The following SYNE1 variants were observed in gnomAD, a reference collection of about 807,000 sequenced individuals.
SYNE1 encodes spectrin repeat containing nuclear envelope protein 1, also known as nesprin-1.
SYNE1 carries 616 observed loss-of-function variants against 1,111.0 expected under a neutral mutation model. That is an observed-to-expected ratio of 0.55 (90% CI 0.52 to 0.59). The LOEUF is 0.59. Ranked by LOEUF, SYNE1 falls within the 20% of genes least tolerant of loss-of-function variation. The pLI is 0.00. For missense variants in SYNE1, 10,006 were observed against 10,417.0 expected, an observed-to-expected ratio of 0.96 and a Z score of 1.72; for synonymous variants, 3,855 against 3,825.8, an observed-to-expected ratio of 1.01 and a Z score of -0.28.
intron 115 of SYNE1, among the ~76,000 whole-genome samples, chr6:152,230,030 T>C (rs964639965): frequency 5.3e-4 from 57 of 108,520 alleles, no homozygotes; most frequent in Non-Finnish European, 1.0e-3. Flanking sequence ...AGAAATAATT[T>C]AGGCAATTTT....
At position 152,483,133 on chromosome 6, in the gene SYNE1, G is replaced by T. The variant is rs751130657; in HGVS notation, c.1302C>A (p.Val434=). 3 of 1,614,178 alleles carry T rather than the reference G, an allele frequency of 1.9e-6. No individual in the cohort carries two copies. The South Asian group carries it at 3.3e-5, about 18-fold the overall frequency. The change falls in exon 14 of 146, where the codon GTC becomes GTA. Residue 434 remains valine (V), a synonymous_variant. Coordinates refer to ENST00000367255, the MANE Select transcript of SYNE1 (RefSeq NM_182961.4). The part of the protein sequence containing the change: ...ALREEITVQQ[V]HEETANTIQR... ...GTATCGTGTTTGCTGTTTCCTCGTG[G>T]ACCTGTTGAACGGTTATTTCCTCTC...
intron 123 of SYNE1, among the ~76,000 whole-genome samples, chr6:152,213,021 A>AT (rs1173217857): frequency 2.0e-5 from 3 of 152,188 alleles, no homozygotes; most frequent in African/African-American, 7.2e-5. Context: ...TGACTTAGTT[A>AT]TACCGGTAAA....
At chr6:152,617,438 C>T (rs1229725803) in intron 3 of SYNE1, among the ~76,000 whole-genome samples, 1 of 152,186 alleles carries the variant, frequency 6.6e-6, no homozygotes, top group African/African-American at 2.4e-5. Context: ...CTCTCATAGA[C>T]CACAGCTCCA....
At chr6:152,301,795 C>T (rs1471823534) in intron 92 of SYNE1, 74 bp downstream of exon 92, 1 of 1,473,862 alleles carries the variant, frequency 6.8e-7, no homozygotes, top group Non-Finnish European at 9.1e-7. Flanking sequence ...AAATCAGCCA[C>T]GGAGAGGGAA....
intron 14 of SYNE1, chr6:152,472,709 G>T: frequency 2.9e-6 from 2 of 684,626 alleles, no homozygotes; most frequent in Non-Finnish European, 5.3e-6. Flanking sequence ...AAAGGAAAAT[G>T]TAATTACTGC....
intron 30 of SYNE1, among the ~76,000 whole-genome samples, chr6:152,444,200 GA>G (rs1274898501): frequency 3.3e-5 from 5 of 152,120 alleles, no homozygotes; most frequent in Non-Finnish European, 1.5e-5. Flanking sequence ...ACTCGGTCTG[GA>G]AATTTATGTT....
rs188909585 is a variant in SYNE1 at position 152,359,277 on chromosome 6, C to A, written c.10443+38G>T. The A allele has an allele frequency of 5.0e-6, 8 of 1,612,736 alleles. No homozygotes were observed. The South Asian group carries it at 8.8e-5, about 18-fold the overall frequency. On this transcript the variant is annotated intron_variant, in intron 65 of 145. Transcript: ENST00000367255. ...AAAGGAGCACAGCTCCAAACACTCCCCTTTTGGTGAGTCTACAAGGAAAGT... is the reference window on the plus strand; with the variant it reads ...AAAGGAGCACAGCTCCAAACACTCCACTTTTGGTGAGTCTACAAGGAAAGT...
chr6:152,132,204 G>A lies in SYNE1; in HGVS notation c.26012C>T (p.Ser8671Phe). The A allele has an allele frequency of 1.9e-6, 3 of 1,614,084 alleles. No homozygotes were observed. The highest frequency in any genetic ancestry group is 2.2e-5 in the South Asian group (2 of 91,084). The part of the protein sequence containing the change: ...DVSSSQQDLS[S>F]WSSADELDTS... ...GTCCAGTTCATCAGCAGAAGACCAG[G>A]AAGACAAATCCTATGTGGGAGAAAG... Residue 8671 changes from serine (S) to phenylalanine (F), a missense_variant, in exon 144 of 146, where the codon TCC (serine) becomes TTC (phenylalanine). Physicochemically the swap from Ser to Phe is radical, Grantham distance 155 (BLOSUM62 -2). This residue lies in a region of SYNE1 where 761 missense variants were observed against 795.5 expected (regional missense o/e 0.96). Transcript: ENST00000367255.
At chr6:152,522,633 G>GT (rs1291302689) in intron 5 of SYNE1, among the ~76,000 whole-genome samples, 1 of 151,896 alleles carries the variant, frequency 6.6e-6, no homozygotes. Flanking sequence ...AAATCATACC[G>GT]TTTTTCCATA....
intron 97 of SYNE1, among the ~76,000 whole-genome samples, chr6:152,279,174 G>T (rs1285627397): frequency 8.4e-6 from 1 of 119,544 alleles, no homozygotes; most frequent in Non-Finnish European, 1.7e-5. Context: ...TTTGAGACAA[G>T]GTCTCCTCTA....
intron 77 of SYNE1, 152 bp downstream of exon 77, chr6:152,333,856 C>T: frequency 9.7e-7 from 1 of 1,033,684 alleles, no homozygotes. Context: ...TGGTCTCGAA[C>T]TCCTGACCTC....
intron 112 of SYNE1, 51 bp from the exon 113 acceptor site, chr6:152,232,316 A>G (rs1225325154): frequency 1.3e-6 from 2 of 1,575,552 alleles, no homozygotes; most frequent in South Asian, 1.1e-5. Flanking sequence ...TGGAAACCCC[A>G]ACTTCTGCTA....
chr6:152,392,751 T>C (rs1277314937), intron 51 of SYNE1, among the ~76,000 whole-genome samples: 1 of 152,206 alleles, frequency 6.6e-6, no homozygotes, highest in African/African-American at 2.4e-5. Flanking sequence ...GTTATCTGTT[T>C]GGTGAGACAA....
intron 66 of SYNE1, among the ~76,000 whole-genome samples, chr6:152,356,604 A>G (rs2096843787): frequency 6.6e-6 from 1 of 151,596 alleles, no homozygotes; most frequent in Non-Finnish European, 1.5e-5. Context: ...CAGGTTATAC[A>G]AAATAATTTC....
chr6:152,465,362 C>A lies in SYNE1; in HGVS notation c.1828G>T (p.Glu610Ter). 1 of 1,613,880 alleles carries A rather than the reference C, an allele frequency of 6.2e-7. No individual in the cohort carries two copies. Among genetic ancestry groups the A allele is most frequent in the Non-Finnish European group, 8.5e-7 (1 of 1,179,848 alleles). Residue 610 changes from glutamate (E) to a stop codon, truncating the protein, a stop_gained, in exon 18 of 146, where the codon GAA (glutamate) becomes TAA (stop). Transcript: ENST00000367255. LOFTEE classifies it high-confidence loss of function. ...TAGCGATCCCAGTTAGAGATCACTT[C>A]TTCCAGCATGCTCCTCACACTCCTC... ...EVRSVRSMLEEVISNWDRYGN... is the reference protein window; with the variant it reads ...EVRSVRSMLE
At position 152,628,389 on chromosome 6, in the gene SYNE1, G is replaced by A. The variant is rs138247904; in HGVS notation, c.-58C>T. On this transcript the variant is annotated 5_prime_UTR_variant, in exon 3 of 146. Transcript: ENST00000367255. The stretch of plus-strand genomic sequence containing the variant: ...AGACTCTTCACTGGAGGCAGCACAG[G>A]GCTACACCACTCTAGAAAACATGCT... 1.3e-6 allele frequency: 2 copies of A among 1,526,188 alleles called. No homozygotes were observed. The highest frequency in any genetic ancestry group is 1.8e-6 in the Non-Finnish European group (2 of 1,100,092). The allele number at this position is 1,526,188 out of a possible 1,614,324, so 94.5% of individuals were successfully genotyped here.
At chr6:152,376,697 T>C (rs2097288096) in intron 57 of SYNE1, 79 bp downstream of exon 57, 9 of 1,591,260 alleles carry the variant, frequency 5.7e-6, no homozygotes, top group South Asian at 3.4e-5. Context: ...AATATTATTT[T>C]GAAATTACAC....
intron 130 of SYNE1, among the ~76,000 whole-genome samples, chr6:152,165,475 T>C (rs941776123): frequency 2.0e-5 from 3 of 152,186 alleles, no homozygotes; most frequent in Non-Finnish European, 4.4e-5. Context: ...ATCTATATTT[T>C]AATAATTGTA....
chr6:152,414,765 G>C (rs971103120), intron 41 of SYNE1, among the ~76,000 whole-genome samples: 3 of 152,114 alleles, frequency 2.0e-5, no homozygotes, highest in Non-Finnish European at 4.4e-5. Flanking sequence ...TCTCCTGTCT[G>C]CTTGGTCTAA....
Sources: allele counts gnomAD v4.1 joint callset (sites outside exome capture counted in the v4.1 genomes callset), GRCh38; gene constraint gnomAD v4.1.1; regional missense constraint gnomAD v4.1.1; transcripts MANE v1.5; gene names NCBI Gene and HGNC (gene_info 2026-07-23, HGNC 2026-07-21).